AHNAK: variants seen among roughly 807,000 people sequenced by gnomAD.
The protein encoded by AHNAK is AHNAK nucleoprotein, also known as neuroblast differentiation-associated protein AHNAK.
AHNAK carries 23 observed loss-of-function variants against 37.8 expected under a neutral mutation model. That is an observed-to-expected ratio of 0.61 (90% confidence interval 0.44 to 0.86). The LOEUF is 0.86. Ranked by LOEUF, AHNAK falls within the 40% of genes least tolerant of loss-of-function variation. The pLI is 0.00. For missense variants in AHNAK, 7,411 were observed against 7,319.4 expected, an observed-to-expected ratio of 1.01 and a Z score of -0.46; for synonymous variants, 2,481 against 2,636.3, an observed-to-expected ratio of 0.94 and a Z score of 1.80.
In AHNAK at chr11:62,519,770, C is replaced by T. The variant is rs1223259838; in HGVS notation, c.14647G>A (p.Val4883Ile). The T allele has an allele frequency of 6.2e-7, 1 of 1,613,360 alleles. No homozygotes were observed. Among genetic ancestry groups the T allele is most frequent in the Non-Finnish European group, 8.5e-7 (1 of 1,179,656 alleles). ...KVEGTLKGPE[V>I]DLKGPRLDFE... is the part of the protein sequence containing the mutation. ...TCCAGACGTGGACCTTTAAGATCTA[C>T]TTCTGGGCCTTTCAAAGTCCCTTCA... The change falls in exon 5 of 5, where the codon GTA becomes ATA. Residue 4883 changes from valine to isoleucine, a missense_variant. By Grantham distance (29) the Val-to-Ile change is conservative. Transcript: ENST00000378024.
intron 5 of AHNAK, among the ~76,000 whole-genome samples, chr11:62,471,299 G>A (rs977219969): frequency 6.6e-6 from 1 of 152,038 alleles, no homozygotes; most frequent in African/African-American, 2.4e-5. Flanking sequence ...AACTAGGGGG[G>A]GCTTCCACTG....
intron 5 of AHNAK, among the ~76,000 whole-genome samples, chr11:62,490,401 G>A (rs561163889): frequency 9.9e-5 from 15 of 151,724 alleles, no homozygotes; most frequent in Admixed American, 3.9e-4. Flanking sequence ...GGGTTTCACC[G>A]TTTTGGCCAG....
At position 62,527,802 on chromosome 11, in the gene AHNAK, A is replaced by T; in HGVS notation, c.6615T>A (p.Ser2205=). 6.2e-7 allele frequency: 1 copy of T among 1,613,504 alleles called. No individual in the cohort carries two copies. Among genetic ancestry groups the T allele is most frequent in the South Asian group, 1.1e-5 (1 of 91,052 alleles). Residue 2205 remains serine (S), a synonymous_variant, in exon 5 of 5, where the codon TCT becomes TCA. Coordinates refer to ENST00000378024, the MANE Select transcript of AHNAK (RefSeq NM_001620.3). ...GPKVKGDMDV[S]VPKVEGEMKV... is the part of the protein sequence containing the mutation. ...TCATTTCACCTTCTACCTTGGGAAC[A>T]GACACATCCATATCCCCTTTGACTT...
At chr11:62,540,753 C>T (rs763775205) in intron 1 of AHNAK, among the ~76,000 whole-genome samples, 1 of 152,208 alleles carries the variant, frequency 6.6e-6, no homozygotes, top group South Asian at 2.1e-4. Flanking sequence ...AATGAGATGG[C>T]GAGGCCGCTC....
intron 5 of AHNAK, among the ~76,000 whole-genome samples, chr11:62,460,890 G>T (rs948034435): frequency 6.6e-6 from 1 of 151,960 alleles, no homozygotes. Context: ...GGCCGATCTC[G>T]GCTCACTGCA....
At position 62,524,366 on chromosome 11, in the gene AHNAK, G is replaced by A. The variant is rs117916864; in HGVS notation, c.10051C>T (p.Arg3351Cys). The change falls in exon 5 of 5, where the codon CGT becomes TGT. Residue 3351 changes from arginine (R) to cysteine (C), a missense_variant. Arg to Cys is a radical substitution (Grantham distance 180). Transcript: ENST00000378024. The part of the protein sequence containing the change: ...LNIEGKSKKS[R>C]FKLPKFNFSG... ...AAATTAAATTTGGGAAGCTTAAAAC[G>A]AGATTTCTTTGACTTGCCTTCGATA... is the stretch of plus-strand genomic sequence containing the variant. The A allele has an allele frequency of 5.8e-5, 93 of 1,613,022 alleles. No individual in the cohort carries two copies. The highest frequency in any genetic ancestry group is 7.4e-5 in the Non-Finnish European group (87 of 1,179,772).
chr11:62,542,155 C>T (rs1007031862), intron 1 of AHNAK: 2 of 152,508 alleles, frequency 1.3e-5, no homozygotes, highest in Non-Finnish European at 2.9e-5. Context: ...CACATACACA[C>T]CATTAGTACA....
At position 62,517,498 on chromosome 11, in the gene AHNAK, A is replaced by G. The variant is rs143067494; in HGVS notation, c.16919T>C (p.Leu5640Pro). 6.2e-7 allele frequency: 1 copy of G among 1,614,196 alleles called. No individual in the cohort carries two copies. Among genetic ancestry groups the G allele is most frequent in the African/African-American group, 1.3e-5 (1 of 75,046 alleles). ...GTGACCTTGAGGCCCAGACACACTC[A>G]GCCCAGGAGCCTGGAGTCCAATCTG... is the stretch of plus-strand genomic sequence containing the variant. ...GGQIGLQAPG[L>P]SVSGPQGHLE... The change falls in exon 5 of 5, where the codon CTG becomes CCG. Residue 5640 changes from leucine (L) to proline (P), a missense_variant. By Grantham distance (98) the Leu-to-Pro change is moderately conservative. Transcript: ENST00000378024.
At chr11:62,487,651 T>C (rs373573859) in intron 5 of AHNAK, among the ~76,000 whole-genome samples, 19 of 152,174 alleles carry the variant, frequency 1.2e-4, no homozygotes, top group African/African-American at 1.9e-4. Context: ...GCTCTGCTGC[T>C]CTCAACTGCA....
intron 5 of AHNAK, among the ~76,000 whole-genome samples, chr11:62,441,194 G>T (rs1223806554): frequency 6.6e-6 from 1 of 151,638 alleles, no homozygotes. Flanking sequence ...TAGAGATGAG[G>T]GTTCATCATG....
Position 62,519,713 on chromosome 11 carries a change from G to A in AHNAK, c.14704C>T (p.Pro4902Ser). The A allele has an allele frequency of 6.2e-7, 1 of 1,613,978 alleles. No homozygotes were observed. Among genetic ancestry groups the A allele is most frequent in the Non-Finnish European group, 8.5e-7 (1 of 1,179,990 alleles). ...FEGPDAKLSG[P>S]SLKMPSLEIS... Reference sequence around the variant, plus strand: ...TCCAGCGATGGCATCTTCAAAGATGGGCCACTGAGTTTGGCATCAGGGCCT... The same window carrying A: ...TCCAGCGATGGCATCTTCAAAGATGAGCCACTGAGTTTGGCATCAGGGCCT... Residue 4902 changes from proline to serine, a missense_variant, in exon 5 of 5, where the codon CCA becomes TCA. By Grantham distance (74) the Pro-to-Ser change is moderately conservative. Transcript: ENST00000378024.
chr11:62,461,208 C>T lies in AHNAK; in HGVS notation c.443-27317G>A, dbSNP rs541636073. On this transcript the variant is annotated intron_variant, in intron 5 of 5. Coordinates refer to the AHNAK transcript ENST00000257247. ...GTCACCAAGCTGGAATGCAATGGCA[C>T]CATCTCAGCTCACTGCAACCTCCAC... Among the ~76,000 whole-genome samples the T allele has an allele frequency of 3.0e-4, 39 of 130,196 alleles. No homozygotes were observed. The East Asian group carries it at 9.3e-3, about 31-fold the overall frequency. The allele number at this position is 130,196 out of a possible 152,430, so 85.4% of individuals were successfully genotyped here.
chr11:62,469,689 A>T (rs1938991413), intron 5 of AHNAK, among the ~76,000 whole-genome samples: 1 of 151,808 alleles, frequency 6.6e-6, no homozygotes, highest in Non-Finnish European at 1.5e-5. Context: ...GCTGGTCTTG[A>T]ACTCCTGGCC....
rs560384484 is a variant in AHNAK at position 62,438,853 on chromosome 11, C to A, written c.443-4962G>T. On this transcript the variant is annotated intron_variant, in intron 5 of 5. Transcript: ENST00000257247. The stretch of plus-strand genomic sequence containing the variant: ...TGTTATTTCAATGAGGAGCAAAGGT[C>A]TCATAGAAAAACTAATCATGACCGG... 2.0e-5 allele frequency among the ~76,000 whole-genome samples: 3 copies of A among 152,194 alleles called. No individual in the cohort carries two copies. The East Asian group carries it at 5.8e-4, about 29-fold the overall frequency.
At chr11:62,487,410 G>C (rs1939414923) in intron 5 of AHNAK, among the ~76,000 whole-genome samples, 1 of 152,242 alleles carries the variant, frequency 6.6e-6, no homozygotes, top group African/African-American at 2.4e-5. Flanking sequence ...AGGCAGGACA[G>C]TATGACATCC....
At chr11:62,477,858 G>A (rs1374837585) in intron 5 of AHNAK, among the ~76,000 whole-genome samples, 3 of 152,084 alleles carry the variant, frequency 2.0e-5, no homozygotes. Context: ...CTGGGCCAAG[G>A]CTTTCCAGAG....
At chr11:62,451,909 G>T (rs377537655) in intron 5 of AHNAK, among the ~76,000 whole-genome samples, 1 of 147,532 alleles carries the variant, frequency 6.8e-6, no homozygotes, top group Non-Finnish European at 1.5e-5. Flanking sequence ...CCAGGTTCAC[G>T]CCATTCTCCT....
chr11:62,502,985 A>G (rs1440346254), intron 4 of AHNAK, among the ~76,000 whole-genome samples: 2 of 152,058 alleles, frequency 1.3e-5, no homozygotes, highest in Admixed American at 1.3e-4. Context: ...CACCTCCAAG[A>G]CCTTTTTTTC....
Position 62,533,609 on chromosome 11 carries a change from T to C in AHNAK, c.808A>G (p.Arg270Gly), listed in dbSNP as rs1369214967. The C allele has an allele frequency of 6.2e-7, 1 of 1,614,166 alleles. No homozygotes were observed. Reference protein sequence around the residue: ...VNAKGLDLGGRGGVQVPAVDI... With the variant: ...VNAKGLDLGGGGGVQVPAVDI... ...ACTGCTGGAACTTGGACCCCTCCTC[T>C]GCCACCCAAGTCCAAGCCCTTTGCA... The change falls in exon 5 of 5, where the codon AGA (arginine) becomes GGA (glycine). Residue 270 changes from arginine to glycine, a missense_variant. Arg to Gly is a moderately radical substitution (Grantham distance 125). Coordinates refer to ENST00000378024, the MANE Select transcript of AHNAK (RefSeq NM_001620.3).
Sources: gnomAD v4.1 joint callset for allele counts (sites outside exome capture counted in the v4.1 genomes callset) on GRCh38, gnomAD v4.1.1 for gene constraint, MANE v1.5 for transcripts, NCBI Gene and HGNC (gene_info 2026-07-23, HGNC 2026-07-21) for gene names.